The following PDLIM5 variants were observed in gnomAD, a reference collection of about 807,000 sequenced individuals.
PDLIM5 encodes the protein PDZ and LIM domain protein 5.
PDLIM5 carries 34 observed loss-of-function variants against 64.2 expected under a neutral mutation model. The ratio of observed to expected loss-of-function variants is 0.53; its 90% confidence interval spans 0.40 to 0.71. PDLIM5 has a LOEUF of 0.71. PDLIM5 is among the 30% of genes least tolerant of loss of function. PDLIM5 has a pLI of 0.00. For missense variants in PDLIM5, 683 were observed against 733.6 expected, an observed-to-expected ratio of 0.93 and a Z score of 0.80; for synonymous variants, 253 against 269.1, an observed-to-expected ratio of 0.94 and a Z score of 0.59.
chr4:94,613,057 A>G (rs1738503955), intron 7 of PDLIM5, among the ~76,000 whole-genome samples: 1 of 151,976 alleles, frequency 6.6e-6, no homozygotes, highest in African/African-American at 2.4e-5. Context: ...TCTGGAAGGA[A>G]AGACACTCAT....
chr4:94,624,438 C>T (rs779436273), intron 8 of PDLIM5, among the ~76,000 whole-genome samples: 1 of 152,014 alleles, frequency 6.6e-6, no homozygotes, highest in African/African-American at 2.4e-5. Flanking sequence ...TGCAAAACAC[C>T]AGTATATAAT....
intron 2 of PDLIM5, among the ~76,000 whole-genome samples, chr4:94,475,401 G>A (rs1725236542): frequency 6.6e-6 from 1 of 152,122 alleles, no homozygotes; most frequent in Non-Finnish European, 1.5e-5. Flanking sequence ...GCTCTTTAAG[G>A]TCTTACATTT....
At chr4:94,579,499 TA>T in intron 5 of PDLIM5, 1 of 1,283,542 alleles carries the variant, frequency 7.8e-7, no homozygotes, top group Non-Finnish European at 1.1e-6. Flanking sequence ...AGTAATATTT[TA>T]AAATACTTTT....
chr4:94,597,120 A>G (rs1024474583), intron 7 of PDLIM5, among the ~76,000 whole-genome samples: 2 of 152,112 alleles, frequency 1.3e-5, no homozygotes, highest in African/African-American at 2.4e-5. Context: ...CTCTTCACAC[A>G]CTTTATTCTT....
At chr4:94,658,014 G>A (rs1742353061) in intron 11 of PDLIM5, among the ~76,000 whole-genome samples, 3 of 152,196 alleles carry the variant, frequency 2.0e-5, no homozygotes, top group Admixed American at 6.5e-5. Context: ...ACTTTTTAAT[G>A]TGACTTTGTC....
chr4:94,483,152 A>G (rs968807260), intron 2 of PDLIM5, among the ~76,000 whole-genome samples: 6 of 152,074 alleles, frequency 3.9e-5, no homozygotes, highest in African/African-American at 1.4e-4. Context: ...AGGAGAGAGG[A>G]TGTGTTTAAA....
chr4:94,595,207 G>A (rs1392136455), intron 7 of PDLIM5, among the ~76,000 whole-genome samples: 1 of 152,184 alleles, frequency 6.6e-6, no homozygotes, highest in African/African-American at 2.4e-5. Context: ...AACACGTGGG[G>A]ATTACAATTT....
At position 94,552,237 on chromosome 4, in the gene PDLIM5, T is replaced by A. The variant is rs1018139306; in HGVS notation, c.249-21114T>A. ...TGAGAGGTTTAATCTCCTTTCTAAG[T>A]CTTTTATTCCATTTAGTGACAACTG... On this transcript the variant is annotated intron_variant, in intron 3 of 12. Transcript: ENST00000317968. Among the ~76,000 whole-genome samples, 5 of 152,188 alleles carry A rather than the reference T, an allele frequency of 3.3e-5. 1 individual carries two copies. Among genetic ancestry groups the A allele is most frequent in the Admixed American group, 1.3e-4 (2 of 15,264 alleles).
chr4:94,550,453 T>C (rs1028728699), intron 3 of PDLIM5, among the ~76,000 whole-genome samples: 4 of 152,222 alleles, frequency 2.6e-5, no homozygotes, highest in Non-Finnish European at 5.9e-5. Context: ...TATTTTAAGC[T>C]CTATCTGTTG....
At position 94,665,948 on chromosome 4, in the gene PDLIM5, ACTGTGG is replaced by A. The variant is rs1743061180; in HGVS notation, c.*1882_*1887del. The A allele has an allele frequency of 2.0e-6, 3 of 1,521,058 alleles. No individual in the cohort carries two copies. The highest frequency in any genetic ancestry group is 1.4e-5 in the African/African-American group (1 of 72,318). The allele number at this position is 1,521,058 out of a possible 1,614,324, so 94.2% of individuals were successfully genotyped here. A position where few individuals can be genotyped will look rare whatever the true frequency, so the allele number is the denominator to read the frequency against. ...GAGACAGGGAAACAATTGTGGTAAA[ACTGTGG>A]ATCCTGTTGCTATTTGCCCAGTGAG... On this transcript the variant is annotated 3_prime_UTR_variant, in exon 13 of 13. Transcript: ENST00000317968.
chr4:94,506,365 T>C (rs987828132), intron 2 of PDLIM5, among the ~76,000 whole-genome samples: 13 of 152,202 alleles, frequency 8.5e-5, no homozygotes, highest in Non-Finnish European at 1.5e-5. Flanking sequence ...CTGGGTAATT[T>C]ATAAACGACA....
intron 2 of PDLIM5, chr4:94,455,900 G>A (rs1723303115): frequency 7.0e-7 from 1 of 1,438,360 alleles, no homozygotes; most frequent in African/African-American, 1.4e-5. Flanking sequence ...AGGGCTTGGA[G>A]CTCCAACTAG....
chr4:94,464,538 A>G (rs1724176812), intron 2 of PDLIM5, among the ~76,000 whole-genome samples: 1 of 152,224 alleles, frequency 6.6e-6, no homozygotes, highest in Non-Finnish European at 1.5e-5. Flanking sequence ...CTTCTGAGAA[A>G]ACGTTACCGG....
Position 94,576,005 on chromosome 4 carries a change from ATC to A in PDLIM5, c.682_683del (p.Ser228ProfsTer3). The A allele has an allele frequency of 1.2e-6, 2 of 1,613,978 alleles. No individual in the cohort carries two copies. Among genetic ancestry groups the A allele is most frequent in the Non-Finnish European group, 1.7e-6 (2 of 1,179,898 alleles). Reference protein sequence around the residue: ...QELAEGQRRGSQGDSKQQNGP... With the variant: ...QELAEGQRRGXQGDSKQQNGP... ...AGCTAGCAGAGGGACAGAGAAGAGGATCCCAGGGTGACAGTAAACAGCAAAAT... is the reference window on the plus strand; with the variant it reads ...AGCTAGCAGAGGGACAGAGAAGAGGACCAGGGTGACAGTAAACAGCAAAAT... On this transcript the variant is annotated frameshift_variant, in exon 5 of 13. Transcript: ENST00000317968. LOFTEE classifies it high-confidence loss of function.
chr4:94,521,335 A>G (rs1299957472), intron 2 of PDLIM5, among the ~76,000 whole-genome samples: 2 of 152,110 alleles, frequency 1.3e-5, no homozygotes, highest in Non-Finnish European at 2.9e-5. Flanking sequence ...ACTCTAGTGG[A>G]AGGCAAGTAG....
chr4:94,589,977 A>G (rs1736555882), intron 7 of PDLIM5, among the ~76,000 whole-genome samples: 1 of 152,018 alleles, frequency 6.6e-6, no homozygotes, highest in South Asian at 2.1e-4. Flanking sequence ...GGGTTTCACC[A>G]TGTTGGCCAG....
chr4:94,474,403 A>G (rs1560639432), intron 2 of PDLIM5, among the ~76,000 whole-genome samples: 1 of 152,090 alleles, frequency 6.6e-6, no homozygotes. Flanking sequence ...GGCATGCGCC[A>G]CCACGCCTGA....
chr4:94,576,222 T>C (rs1023055955), intron 5 of PDLIM5, among the ~76,000 whole-genome samples, 188 bp downstream of exon 5: 1 of 152,242 alleles, frequency 6.6e-6, no homozygotes, highest in African/African-American at 2.4e-5. Flanking sequence ...TATCACTTAT[T>C]CAAAAGCTAC....
chr4:94,539,202 G>A (rs189019405), intron 3 of PDLIM5, among the ~76,000 whole-genome samples: 2 of 152,226 alleles, frequency 1.3e-5, no homozygotes, highest in Admixed American at 1.3e-4. Context: ...AGTAATACGT[G>A]AATAAGTAAC....
Sources: gnomAD v4.1 joint callset for allele counts (sites outside exome capture counted in the v4.1 genomes callset) on GRCh38, gnomAD v4.1.1 for gene constraint, MANE v1.5 for transcripts, NCBI Gene and HGNC (gene_info 2026-07-23, HGNC 2026-07-21) for gene names.